Variants in LARS2 observed in about 807,000 individuals in gnomAD.
The protein encoded by LARS2 is leucyl-tRNA synthetase 2, mitochondrial.
In LARS2, 81 loss-of-function variants were observed where a neutral mutation model predicts 116.6. That is an observed-to-expected ratio of 0.69 (90% CI 0.58 to 0.84). The LOEUF (loss-of-function observed/expected upper bound fraction) is 0.84. Ranked by LOEUF, LARS2 falls within the 40% of genes least tolerant of loss-of-function variation. LARS2 has a pLI of 0.00. For missense variants in LARS2, 968 were observed against 1,114.5 expected (o/e 0.87, Z 1.87); for synonymous variants, 396 against 407.2 (o/e 0.97, Z 0.33).
In LARS2 at chr3:45,458,865, T is replaced by G; in HGVS notation, c.729T>G (p.Ile243Met). 6.2e-7 allele frequency: 1 copy of G among 1,614,036 alleles called. No individual in the cohort carries two copies. The highest frequency in any genetic ancestry group is 1.1e-5 in the South Asian group (1 of 91,076). ...VEQKYLRQWFIKTTAYAKAMQ... is the reference protein window; with the variant it reads ...VEQKYLRQWFMKTTAYAKAMQ... ...AGAAGTACCTCAGACAATGGTTTAT[T>G]AAGACAACCGCTTATGCAAAGGTGA... Residue 243 changes from isoleucine to methionine, a missense_variant, in exon 8 of 22, where the codon ATT becomes ATG. Coordinates refer to ENST00000645846, the MANE Select transcript of LARS2 (RefSeq NM_015340.4).
At chr3:45,443,408 T>C (rs1444002985) in intron 6 of LARS2, among the ~76,000 whole-genome samples, 1 of 152,234 alleles carries the variant, frequency 6.6e-6, no homozygotes, top group Admixed American at 6.5e-5. Context: ...TCAGGGAAGG[T>C]TCCAGAGGGC....
Position 45,513,213 on chromosome 3 carries a change from G to A in LARS2, c.1839G>A (p.Gln613=). The part of the protein sequence containing the change: ...TFRLPSGQYL[Q]REEVDLTGSV... ...GCCTACCATCTGGACAGTATCTACAGAGAGAGGAAGTGGATCTCACAGGTA... is the reference window on the plus strand; with the variant it reads ...GCCTACCATCTGGACAGTATCTACAAAGAGAGGAAGTGGATCTCACAGGTA... The change falls in exon 16 of 22, where the codon CAG becomes CAA. Residue 613 remains glutamine (Q), a synonymous_variant. Transcript: ENST00000645846. The A allele has an allele frequency of 6.2e-7, 1 of 1,612,038 alleles. No homozygotes were observed. Among genetic ancestry groups the A allele is most frequent in the Non-Finnish European group, 8.5e-7 (1 of 1,178,018 alleles).
In LARS2 at chr3:45,529,559, A is replaced by G. The variant is rs889863721; in HGVS notation, c.2404+5451A>G. On this transcript the variant is annotated intron_variant, in intron 20 of 21. Coordinates refer to ENST00000645846, the MANE Select transcript of LARS2 (RefSeq NM_015340.4). ...AGCGAAACTCCATCTCCAAAAAAAA[A>G]AAAAAAATGCTAAATAGCTAATGTT... 2.6e-5 allele frequency among the ~76,000 whole-genome samples: 4 copies of G among 152,248 alleles called. No individual in the cohort carries two copies. In the South Asian group the frequency reaches 8.3e-4, roughly 32 times the overall value.
At chr3:45,541,581 A>G (rs1407967820) in intron 20 of LARS2, 1 of 467,112 alleles carries the variant, frequency 2.1e-6, no homozygotes, top group South Asian at 3.9e-5. Flanking sequence ...CCAAATGCAC[A>G]CTTTAGAATG....
At chr3:45,421,107 G>A (rs528640644) in intron 6 of LARS2, 1 of 152,164 alleles carries the variant, frequency 6.6e-6, no homozygotes, top group African/African-American at 2.4e-5. Flanking sequence ...GTATTATAAT[G>A]TATTTAAGCT....
chr3:45,474,025 C>T (rs1033183441), intron 8 of LARS2, among the ~76,000 whole-genome samples: 3 of 152,134 alleles, frequency 2.0e-5, no homozygotes, highest in Non-Finnish European at 4.4e-5. Context: ...CTTGGGACAG[C>T]GAAATCGGTC....
chr3:45,463,009 G>A (rs1699359203), intron 8 of LARS2, among the ~76,000 whole-genome samples: 1 of 152,238 alleles, frequency 6.6e-6, no homozygotes. Context: ...TGCAGTAGGA[G>A]TATCTGAAGA....
intron 4 of LARS2, among the ~76,000 whole-genome samples, chr3:45,409,916 G>A (rs1211556496): frequency 6.6e-6 from 1 of 152,076 alleles, no homozygotes; most frequent in Non-Finnish European, 1.5e-5. Context: ...TTATTTTCAT[G>A]GACAGCTTAG....
chr3:45,489,784 G>A (rs6766990), intron 12 of LARS2, among the ~76,000 whole-genome samples: 121,728 of 152,138 alleles, frequency 0.8, 52,882 homozygotes, highest in East Asian at 0.98. Flanking sequence ...CAGATACTCC[G>A]ATTTGATGGT....
intron 4 of LARS2, among the ~76,000 whole-genome samples, chr3:45,410,818 CCTCT>C (rs1258243949): frequency 6.6e-6 from 1 of 152,130 alleles, no homozygotes; most frequent in Non-Finnish European, 1.5e-5. Flanking sequence ...CAGGGACTTG[CCTCT>C]CTCTCTAGCC....
intron 11 of LARS2, among the ~76,000 whole-genome samples, chr3:45,486,515 C>T (rs1699816421): frequency 6.6e-6 from 1 of 152,146 alleles, no homozygotes; most frequent in African/African-American, 2.4e-5. Context: ...CTGTAGATTC[C>T]AGCCAGTCCC....
chr3:45,535,829 G>C (rs1374763979), intron 20 of LARS2, among the ~76,000 whole-genome samples: 1 of 151,996 alleles, frequency 6.6e-6, no homozygotes, highest in Admixed American at 6.6e-5. Flanking sequence ...AAGCTCTGTG[G>C]ATTGCATTCA....
At chr3:45,541,757 A>C (rs1700799416) in intron 20 of LARS2, 72 bp from the exon 21 acceptor site, 1 of 1,561,132 alleles carries the variant, frequency 6.4e-7, no homozygotes, top group Admixed American at 1.8e-5. Flanking sequence ...TTGGGATGGA[A>C]GCTTTGGTCC....
Position 45,491,508 on chromosome 3 carries a change from C to G in LARS2, c.1240-9C>G. On this transcript the variant is annotated splice_polypyrimidine_tract_variant and intron_variant, in intron 12 of 21. Coordinates refer to ENST00000645846, the MANE Select transcript of LARS2 (RefSeq NM_015340.4). ...GAGAGGAGTGAGCTTTCTTTTCTTT[C>G]CCTGTCAGTTCACAGGTATGACCCG... 1 of 1,612,494 alleles carries G rather than the reference C, an allele frequency of 6.2e-7. No individual in the cohort carries two copies. The highest frequency in any genetic ancestry group is 1.7e-5 in the Admixed American group (1 of 60,000).
intron 4 of LARS2, among the ~76,000 whole-genome samples, chr3:45,416,269 A>G (rs1175549285): frequency 2.0e-5 from 3 of 151,458 alleles, no homozygotes; most frequent in South Asian, 4.2e-4. Context: ...AAAAAAAAAA[A>G]GAAAGGGATG....
rs886111085 is a variant in LARS2 at position 45,491,973 on chromosome 3, C to T, written c.1523+173C>T. ...GCCCTTTAAGAGAAGGGTCTGGAAT[C>T]TGTGGCCCTGCCTCTGCAATGGGCA... is the stretch of plus-strand genomic sequence containing the variant. On this transcript the variant is annotated intron_variant, in intron 13 of 21. Transcript: ENST00000645846. Among the ~76,000 whole-genome samples the T allele has an allele frequency of 7.2e-5, 11 of 152,346 alleles. No homozygotes were observed. In the South Asian group the frequency reaches 2.3e-3, roughly 32 times the overall value.
At chr3:45,457,193 C>T (rs1699227097) in intron 7 of LARS2, among the ~76,000 whole-genome samples, 1 of 152,212 alleles carries the variant, frequency 6.6e-6, no homozygotes, top group African/African-American at 2.4e-5. Flanking sequence ...ACTAGAGGCA[C>T]ATGACCCCTG....
At chr3:45,540,076 G>C (rs913235567) in intron 20 of LARS2, among the ~76,000 whole-genome samples, 1 of 152,106 alleles carries the variant, frequency 6.6e-6, no homozygotes, top group Non-Finnish European at 1.5e-5. Context: ...TGGCCAACAT[G>C]ATGAAACCCC....
chr3:45,497,089 T>C (rs1463664132), intron 14 of LARS2, among the ~76,000 whole-genome samples: 2 of 152,122 alleles, frequency 1.3e-5, no homozygotes, highest in Non-Finnish European at 2.9e-5. Flanking sequence ...AGTAGATCAT[T>C]TCCTAAATTG....
Sources: gnomAD v4.1 joint callset for allele counts (sites outside exome capture counted in the v4.1 genomes callset) on GRCh38, gnomAD v4.1.1 for gene constraint, MANE v1.5 for transcripts, NCBI Gene and HGNC (gene_info 2026-07-23, HGNC 2026-07-21) for gene names.